The following PPARGC1A variants were observed in gnomAD, a reference collection of about 807,000 sequenced individuals.
PPARGC1A encodes peroxisome proliferator-activated receptor gamma coactivator 1-alpha.
Under a neutral mutation model 88.7 loss-of-function variants are expected in PPARGC1A, and 25 were observed. That is an observed-to-expected ratio of 0.28 (90% CI 0.21 to 0.39). The LOEUF is 0.39. PPARGC1A is among the 10% of genes least tolerant of loss of function. PPARGC1A has a pLI of 1.00. For missense variants in PPARGC1A, 880 were observed against 968.7 expected, an observed-to-expected ratio of 0.91 and a Z score of 1.22; for synonymous variants, 363 against 355.6, an observed-to-expected ratio of 1.02 and a Z score of -0.24.
the PPARGC1A span, among the ~76,000 whole-genome samples, chr4:24,095,115 C>CTTTT: frequency 5.7e-5 from 7 of 122,406 alleles, no homozygotes; most frequent in African/African-American, 1.6e-4. Context: ...GAAATAGGGT[C>CTTTT]TTTTTTTTTT....
At chr4:24,159,835 GA>G in the PPARGC1A span, among the ~76,000 whole-genome samples, 2 of 152,126 alleles carry the variant, frequency 1.3e-5, no homozygotes, top group South Asian at 4.1e-4. Context: ...TCTGGCTTTT[GA>G]AAATATCTGA....
At chr4:24,178,544 C>T in the PPARGC1A span, among the ~76,000 whole-genome samples, 11,046 of 152,048 alleles carry the variant, frequency 0.073, 426 homozygotes, top group Non-Finnish European at 0.083. Flanking sequence ...CATGATCTGC[C>T]CTCTTACTTG....
the PPARGC1A span, among the ~76,000 whole-genome samples, chr4:24,026,144 C>T: frequency 6.6e-6 from 1 of 152,198 alleles, no homozygotes; most frequent in South Asian, 2.1e-4. Context: ...TGGATCGGCA[C>T]TACTTCTGGT....
chr4:24,021,744 G>A, the PPARGC1A span, among the ~76,000 whole-genome samples: 1 of 152,192 alleles, frequency 6.6e-6, no homozygotes, highest in Non-Finnish European at 1.5e-5. Context: ...TTCTTAGGAA[G>A]ATTAAACAAG....
the PPARGC1A span, among the ~76,000 whole-genome samples, chr4:24,310,573 T>C: frequency 1.3e-5 from 2 of 152,192 alleles, no homozygotes; most frequent in African/African-American, 4.8e-5. Context: ...TGGGGCCAAC[T>C]GAAAGCCCAT....
At chr4:24,408,592 C>T in the PPARGC1A span, among the ~76,000 whole-genome samples, 3 of 152,178 alleles carry the variant, frequency 2.0e-5, no homozygotes, top group Non-Finnish European at 4.4e-5. Context: ...GAAACTCTTG[C>T]TCCTAGAATA....
chr4:24,120,461 GT>G, the PPARGC1A span, among the ~76,000 whole-genome samples: 2 of 152,128 alleles, frequency 1.3e-5, no homozygotes, highest in African/African-American at 4.8e-5. Context: ...GCAATATCTC[GT>G]TTAACCCCCA....
At chr4:24,359,183 G>A in the PPARGC1A span, among the ~76,000 whole-genome samples, 3 of 152,198 alleles carry the variant, frequency 2.0e-5, no homozygotes, top group Non-Finnish European at 2.9e-5. Flanking sequence ...ATCTCTGCGA[G>A]TTTAGAGCCT....
At chr4:24,469,672 G>A in the PPARGC1A span, among the ~76,000 whole-genome samples, 6 of 152,210 alleles carry the variant, frequency 3.9e-5, no homozygotes, top group African/African-American at 1.2e-4. Flanking sequence ...AAATTCTTTC[G>A]ATTTTCTTAG....
At chr4:24,074,608 C>G in the PPARGC1A span, among the ~76,000 whole-genome samples, 2 of 152,110 alleles carry the variant, frequency 1.3e-5, no homozygotes, top group Admixed American at 6.6e-5. Context: ...CCTTTTCCTT[C>G]TCTTCCTTTC....
At chr4:24,195,599 A>C in the PPARGC1A span, among the ~76,000 whole-genome samples, 1 of 152,200 alleles carries the variant, frequency 6.6e-6, no homozygotes, top group African/African-American at 2.4e-5. Context: ...AGAACATCAA[A>C]CAGCAAGCAG....
chr4:23,857,990 A>G (rs978606085), intron 2 of PPARGC1A, among the ~76,000 whole-genome samples: 1 of 151,704 alleles, frequency 6.6e-6, no homozygotes, highest in African/African-American at 2.4e-5. Context: ...TAAATTATAA[A>G]AACAACTACT....
the PPARGC1A span, among the ~76,000 whole-genome samples, chr4:24,256,709 C>A: frequency 2.0e-5 from 3 of 152,144 alleles, no homozygotes; most frequent in Admixed American, 1.3e-4. Flanking sequence ...TCCTGTCAAT[C>A]GTCTGCACCT....
chr4:24,471,413 C>T, the PPARGC1A span, among the ~76,000 whole-genome samples: 1 of 152,160 alleles, frequency 6.6e-6, no homozygotes, highest in Non-Finnish European at 1.5e-5. The surrounding 1 kb of genome is among the most constrained non-coding windows in gnomAD (Gnocchi z 5.4). Context: ...TCTACTTCCC[C>T]GCGTAGTTTG....
chr4:24,143,318 G>C, the PPARGC1A span, among the ~76,000 whole-genome samples: 3 of 152,070 alleles, frequency 2.0e-5, no homozygotes, highest in African/African-American at 7.2e-5. Flanking sequence ...ATAGGGGAGG[G>C]GGCAATATAA....
At chr4:23,908,005 CA>C (rs1720260915), upstream of PPARGC1A, among the ~76,000 whole-genome samples, 1 of 152,082 alleles carries the variant, frequency 6.6e-6, no homozygotes, top group Non-Finnish European at 1.5e-5. Context: ...GTAAGAGAGG[CA>C]TTTTTGAAGA....
At chr4:24,384,267 C>T in the PPARGC1A span, among the ~76,000 whole-genome samples, 1 of 152,090 alleles carries the variant, frequency 6.6e-6, no homozygotes, top group South Asian at 2.1e-4. Context: ...CGATACCAGC[C>T]ACTGCAAAAA....
intron 2 of PPARGC1A, among the ~76,000 whole-genome samples, chr4:23,878,084 G>T (rs1355599461): frequency 2.6e-5 from 4 of 152,154 alleles, no homozygotes; most frequent in Middle Eastern, 3.4e-3. Context: ...GTGAATTTGG[G>T]TCTCCACTAT....
chr4:23,973,510 T>C, the PPARGC1A span, among the ~76,000 whole-genome samples: 12 of 152,368 alleles, frequency 7.9e-5, no homozygotes, highest in African/African-American at 2.9e-4. Context: ...AAACCCTCTA[T>C]GTTTCTATGG....
Sources: allele counts gnomAD v4.1 joint callset (sites outside exome capture counted in the v4.1 genomes callset), GRCh38; gene constraint gnomAD v4.1.1; non-coding constraint Gnocchi (gnomAD v3.1); transcripts MANE v1.5; gene names NCBI Gene and HGNC (gene_info 2026-07-23, HGNC 2026-07-21).